ATAT1: variants seen among roughly 807,000 people sequenced by gnomAD.
The protein encoded by ATAT1 is alpha tubulin acetyltransferase 1, also known as alpha-tubulin N-acetyltransferase 1.
A neutral mutation model predicts 57.2 loss-of-function variants in ATAT1; 42 were observed. The ratio of observed to expected loss-of-function variants is 0.73; its 90% confidence interval spans 0.57 to 0.95. The LOEUF is 0.95. Among genes scored for constraint, ATAT1 ranks in the 40% least tolerant of loss-of-function variants. The pLI, the probability that ATAT1 is intolerant of heterozygous loss-of-function variation, is 0.00. For missense variants in ATAT1, 454 were observed against 523.7 expected (o/e 0.87, Z 1.30); for synonymous variants, 168 against 187.1 (o/e 0.90, Z 0.83).
At chr6:30,643,249 T>G in intron 10 of ATAT1, 2 of 1,422,648 alleles carry the variant, frequency 1.4e-6, no homozygotes. Flanking sequence ...GAGAGTTATG[T>G]GGAATGGTAG....
intron 10 of ATAT1, among the ~76,000 whole-genome samples, chr6:30,645,034 C>T (rs1766391482): frequency 2.0e-5 from 3 of 152,238 alleles, no homozygotes; most frequent in South Asian, 4.1e-4. Context: ...CTCCTGTATT[C>T]GTCTTCCCAC....
intron 8 of ATAT1, among the ~76,000 whole-genome samples, chr6:30,641,013 C>CA (rs1423853312): frequency 2.6e-5 from 4 of 152,096 alleles, no homozygotes; most frequent in South Asian, 2.1e-4. Context: ...AGATAACACT[C>CA]AGAGTTTATA....
intron 10 of ATAT1, chr6:30,643,938 CTT>C (rs1166901922): frequency 2.7e-6 from 3 of 1,099,268 alleles, no homozygotes; most frequent in East Asian, 1.1e-4. Context: ...GCCAGGGAAA[CTT>C]TTTAAGGAAT....
chr6:30,635,431 A>T (rs375530713), intron 6 of ATAT1, among the ~76,000 whole-genome samples: 10 of 151,956 alleles, frequency 6.6e-5, no homozygotes, highest in African/African-American at 2.2e-4. Context: ...CTCTACAAAA[A>T]ATACAAAATT....
chr6:30,640,413 C>T lies in ATAT1; in HGVS notation c.538C>T (p.His180Tyr). 6.2e-7 allele frequency: 1 copy of T among 1,612,938 alleles called. No homozygotes were observed. The highest frequency in any genetic ancestry group is 1.3e-5 in the African/African-American group (1 of 74,986). The change falls in exon 7 of 13, where the codon CAT becomes TAT. Residue 180 changes from histidine (H) to tyrosine (Y), a missense_variant. Transcript: ENST00000330083. Reference sequence around the variant, plus strand: ...TGTGATCTTTGAAGGCTTCTTTGCCCATCAACATCGTAAGTTTTTGCATTT... The same window carrying T: ...TGTGATCTTTGAAGGCTTCTTTGCCTATCAACATCGTAAGTTTTTGCATTT...
In ATAT1 at chr6:30,642,834, C is replaced by CCA; in HGVS notation, c.756_757insAC (p.His253ThrfsTer67). ...GCCCCTCGCCGCGCCACACCTCCAG[C>CCA]CCACCCACCCCCCCGCTCCAGCAGC... is the stretch of plus-strand genomic sequence containing the variant. On this transcript the variant is annotated frameshift_variant, in exon 10 of 13. Coordinates refer to ENST00000330083, the MANE Select transcript of ATAT1 (RefSeq NM_001031722.4). LOFTEE classifies it high-confidence loss of function. 2.4e-6 allele frequency: 1 copy of CCA among 415,880 alleles called. No individual in the cohort carries two copies. Among genetic ancestry groups the CCA allele is most frequent in the Non-Finnish European group, 4.0e-6 (1 of 251,602 alleles). The allele number at this position is 415,880 out of a possible 1,614,324, so 25.8% of individuals were successfully genotyped here.
intron 6 of ATAT1, among the ~76,000 whole-genome samples, chr6:30,630,654 AGG>A (rs984791623): frequency 6.6e-6 from 1 of 151,158 alleles, no homozygotes; most frequent in African/African-American, 2.4e-5. Flanking sequence ...AAAAAGAAAA[AGG>A]GCCAGGCATG....
rs141831712 is a variant in ATAT1 at position 30,646,157 on chromosome 6, CCCTT to C, written c.1055+52_1055+55del. On this transcript the variant is annotated intron_variant, in intron 12 of 12. Coordinates refer to ENST00000330083, the MANE Select transcript of ATAT1 (RefSeq NM_001031722.4). ...AACAGCCTCCCACCACCATCTGACTCCCTTCCTAACATCATTCTCAGTCACTTCC... is the reference window on the plus strand; with the variant it reads ...AACAGCCTCCCACCACCATCTGACTCCCTAACATCATTCTCAGTCACTTCC... 5.3e-3 allele frequency: 8,341 copies of C among 1,586,760 alleles called. 60 individuals are homozygous for C. The highest frequency in any genetic ancestry group is 0.029 in the African/African-American group (2,137 of 74,054).
chr6:30,640,401 G>A lies in ATAT1; in HGVS notation c.526G>A (p.Gly176Ser). 4 of 1,613,000 alleles carry A rather than the reference G, an allele frequency of 2.5e-6. No homozygotes were observed. In the South Asian group the frequency reaches 4.4e-5, roughly 18 times the overall value. Residue 176 changes from glycine to serine, a missense_variant, in exon 7 of 13, where the codon GGC (glycine) becomes AGC (serine). Gly to Ser is a moderately conservative substitution (Grantham distance 56). This residue lies in a region of ATAT1 where 236 missense variants were observed against 284.5 expected (regional missense o/e 0.83). Transcript: ENST00000330083. ...GGTGAACAACTTTGTGATCTTTGAA[G>A]GCTTCTTTGCCCATCAACATCGTAA...
chr6:30,641,103 C>CCACACACACACACACACACA (rs1765312039), intron 8 of ATAT1, among the ~76,000 whole-genome samples: 1 of 143,566 alleles, frequency 7.0e-6, no homozygotes, highest in Non-Finnish European at 1.5e-5. Flanking sequence ...ATTCCCCATC[C>CCACACACACACACACACACA]CATATACACA....
In ATAT1 at chr6:30,626,943, C is replaced by A; in HGVS notation, c.-261C>A. On this transcript the variant is annotated 5_prime_UTR_variant, in exon 1 of 13. Transcript: ENST00000330083. ...CCCGGAGCGGATCACGGTGCTGGAC[C>A]AGCACCTGAGGCCCCCAGCCCGCCG... The A allele has an allele frequency of 6.2e-7, 1 of 1,609,048 alleles. No individual in the cohort carries two copies. Among genetic ancestry groups the A allele is most frequent in the South Asian group, 1.1e-5 (1 of 90,334 alleles).
chr6:30,640,820 G>C, intron 8 of ATAT1: 1 of 600,910 alleles, frequency 1.7e-6, no homozygotes, highest in Non-Finnish European at 2.9e-6. Flanking sequence ...GAGCCTGTTT[G>C]ACAGCTGATA....
At position 30,645,949 on chromosome 6, in the gene ATAT1, G is replaced by T. The variant is rs767858999; in HGVS notation, c.987G>T (p.Gly329=). Residue 329 remains glycine (G), a synonymous_variant, in exon 11 of 13, where the codon GGG becomes GGT. Coordinates refer to ENST00000330083, the MANE Select transcript of ATAT1 (RefSeq NM_001031722.4). ...GCTGCTGCTACAGCCGCCATGGGGG[G>T]GTGAATTCCTCATCCCCCAATACAG... The T allele has an allele frequency of 6.5e-7, 1 of 1,541,500 alleles. No homozygotes were observed. Among genetic ancestry groups the T allele is most frequent in the Non-Finnish European group, 8.7e-7 (1 of 1,142,948 alleles).
rs1763888594 is a variant in ATAT1 at position 30,635,574 on chromosome 6, GC to G, written c.502-4802del. Among the ~76,000 whole-genome samples the G allele has an allele frequency of 2.0e-5, 3 of 149,166 alleles. 1 individual carries two copies. The South Asian group carries it at 6.3e-4, about 31-fold the overall frequency. On this transcript the variant is annotated intron_variant, in intron 6 of 12. Transcript: ENST00000330083. ...ATTGCACTCCAGCCTGGGCAACAAA[GC>G]GAAACTCCATCTCAAAAAAAAAAAA... is the stretch of plus-strand genomic sequence containing the variant.
At chr6:30,642,321 A>G in intron 9 of ATAT1, 74 bp downstream of exon 9, 1 of 1,595,340 alleles carries the variant, frequency 6.3e-7, no homozygotes, top group South Asian at 1.1e-5. Context: ...CAGGGGACCC[A>G]GGGAAAGGAT....
chr6:30,627,976 TA>T (rs1427686351), intron 4 of ATAT1, 55 bp from the exon 5 acceptor site: 20 of 1,608,260 alleles, frequency 1.2e-5, no homozygotes, highest in Non-Finnish European at 1.4e-5. Flanking sequence ...TGCTGGAGGT[TA>T]GGGGGCAGCA....
Position 30,626,949 on chromosome 6 carries a change from C to T in ATAT1, c.-255C>T. 6.2e-7 allele frequency: 1 copy of T among 1,608,252 alleles called. No homozygotes were observed. The highest frequency in any genetic ancestry group is 8.5e-7 in the Non-Finnish European group (1 of 1,178,044). ...GCGGATCACGGTGCTGGACCAGCAC[C>T]TGAGGCCCCCAGCCCGCCGACCCGG... On this transcript the variant is annotated 5_prime_UTR_variant, in exon 1 of 13. Transcript: ENST00000330083.
intron 6 of ATAT1, among the ~76,000 whole-genome samples, chr6:30,638,118 C>T (rs184061366): frequency 2.0e-5 from 3 of 152,102 alleles, no homozygotes; most frequent in Non-Finnish European, 4.4e-5. Context: ...ACCTCGTGAT[C>T]GGCCCGCCTC....
At chr6:30,640,304 A>T in intron 6 of ATAT1, 73 bp from the exon 7 acceptor site, 1 of 1,517,966 alleles carries the variant, frequency 6.6e-7, no homozygotes, top group Non-Finnish European at 9.1e-7. Context: ...AAATCACCCA[A>T]TGACGTATTT....
Sources: allele counts gnomAD v4.1 joint callset (sites outside exome capture counted in the v4.1 genomes callset), GRCh38; gene constraint gnomAD v4.1.1; regional missense constraint gnomAD v4.1.1; transcripts MANE v1.5; gene names NCBI Gene and HGNC (gene_info 2026-07-23, HGNC 2026-07-21).